Variants in TNFRSF10C observed in about 807,000 individuals in gnomAD.
The protein encoded by TNFRSF10C is tumor necrosis factor receptor superfamily member 10C.
Under a neutral mutation model 16.7 loss-of-function variants are expected in TNFRSF10C, and 17 were observed. That is an observed-to-expected ratio of 1.02 (90% CI 0.70 to 1.53). The LOEUF (loss-of-function observed/expected upper bound fraction) is 1.53, where lower values mean the gene tolerates loss of function less well. Ranked by LOEUF, TNFRSF10C falls within the 40% of genes most tolerant of loss-of-function variation. The pLI is 0.00. For synonymous variants in TNFRSF10C, 73 were observed against 119.7 expected, an observed-to-expected ratio of 0.61 and a Z score of 2.55; for missense variants, 237 against 329.7, an observed-to-expected ratio of 0.72 and a Z score of 2.18.
intron 1 of TNFRSF10C, among the ~76,000 whole-genome samples, chr8:23,111,431 G>A (rs997021789): frequency 6.6e-6 from 1 of 151,596 alleles, no homozygotes; most frequent in Non-Finnish European, 1.5e-5. Context: ...TGGCCAGGAT[G>A]GTCTCGATCT....
intron 2 of TNFRSF10C, among the ~76,000 whole-genome samples, chr8:23,114,192 C>A (rs1156885313): frequency 2.0e-5 from 3 of 151,818 alleles, no homozygotes; most frequent in Non-Finnish European, 4.4e-5. Flanking sequence ...GGAGACTGAG[C>A]GAAGACAGGG....
At chr8:23,104,640 C>T (rs1251572841) in intron 1 of TNFRSF10C, among the ~76,000 whole-genome samples, 354 of 151,212 alleles carry the variant, frequency 2.3e-3, no homozygotes, top group African/African-American at 7.5e-3. Context: ...CAAAAAACCA[C>T]TGAACCCAGC....
At chr8:23,110,069 C>CAAAAAAA (rs56263402) in intron 1 of TNFRSF10C, among the ~76,000 whole-genome samples, 987 of 39,596 alleles carry the variant, frequency 0.025, 166 homozygotes, top group East Asian at 0.11. Context: ...ACCCTGTCTC[C>CAAAAAAA]AAAAAAAAAA....
At chr8:23,114,064 G>A (rs866722888) in intron 2 of TNFRSF10C, among the ~76,000 whole-genome samples, 3 of 152,130 alleles carry the variant, frequency 2.0e-5, no homozygotes, top group Non-Finnish European at 2.9e-5. Context: ...GGGGCCTCTC[G>A]GGGATGGTGA....
At position 23,103,303 on chromosome 8, in the gene TNFRSF10C, A is replaced by G. The variant is rs578016948; in HGVS notation, c.60+122A>G. The G allele has an allele frequency of 6.0e-6, 9 of 1,503,532 alleles. No individual in the cohort carries two copies. The South Asian group carries it at 8.4e-5, about 14-fold the overall frequency. The allele number at this position is 1,503,532 out of a possible 1,614,324, so 93.1% of individuals were successfully genotyped here. On this transcript the variant is annotated intron_variant, in intron 1 of 4. Coordinates refer to ENST00000356864, the MANE Select transcript of TNFRSF10C (RefSeq NM_003841.5). ...CACCTGCGGCCGGGCATGTCCGGGCAGGACGAACTCGCCGTCGGAGTCAGG... is the reference window on the plus strand; with the variant it reads ...CACCTGCGGCCGGGCATGTCCGGGCGGGACGAACTCGCCGTCGGAGTCAGG...
rs1242820664 is a variant in TNFRSF10C, at chr8:23,116,673, G to T, written c.422G>T (p.Cys141Phe). The change falls in exon 5 of 5, where the codon TGT becomes TTT. Residue 141 changes from cysteine (C) to phenylalanine (F), a missense_variant. This residue lies in a region of TNFRSF10C where 212 missense variants were observed against 196.8 expected (regional missense o/e 1.08). Transcript: ENST00000356864. ...AGTGGGGAAGTCCAAGTCAGTAATT[G>T]TACGTCCTGGGATGATATCCAGTGT... ...CPSGEVQVSNCTSWDDIQCVE... is the reference protein window; with the variant it reads ...CPSGEVQVSNFTSWDDIQCVE... The T allele has an allele frequency of 1.9e-6, 3 of 1,614,218 alleles. No individual in the cohort carries two copies. Among genetic ancestry groups the T allele is most frequent in the Non-Finnish European group, 2.5e-6 (3 of 1,180,024 alleles).
chr8:23,111,416 C>T (rs1020326459), intron 1 of TNFRSF10C, among the ~76,000 whole-genome samples: 4 of 151,934 alleles, frequency 2.6e-5, no homozygotes, highest in Non-Finnish European at 5.9e-5. Flanking sequence ...AGGGTTTCAC[C>T]GTGTTGGCCA....
In TNFRSF10C at chr8:23,117,444, G is replaced by A; in HGVS notation, c.*413G>A. 1 of 227,880 alleles carries A rather than the reference G, an allele frequency of 4.4e-6. No homozygotes were observed. Among genetic ancestry groups the A allele is most frequent in the Non-Finnish European group, 8.7e-6 (1 of 114,952 alleles). The allele number at this position is 227,880 out of a possible 1,614,324, so 14.1% of individuals were successfully genotyped here. On this transcript the variant is annotated 3_prime_UTR_variant, in exon 5 of 5. Transcript: ENST00000356864. ...AGCCTTGGTCAGAGCAGAACACAGAGATTTTCCGTGTGTTGGTTTTTACTC... is the reference window on the plus strand; with the variant it reads ...AGCCTTGGTCAGAGCAGAACACAGAAATTTTCCGTGTGTTGGTTTTTACTC...
In TNFRSF10C at chr8:23,114,675, A is replaced by G; in HGVS notation, c.185A>G (p.His62Arg). ...TTCCCAGGATCTCATAGATCAGAACATACTGGAGCCTGTAACCCGTGCACA... is the reference window on the plus strand; with the variant it reads ...TTCCCAGGATCTCATAGATCAGAACGTACTGGAGCCTGTAACCCGTGCACA... The part of the protein sequence containing the change: ...ECPAGSHRSE[H>R]TGACNPCTEG... The change falls in exon 3 of 5, where the codon CAT becomes CGT. Residue 62 changes from histidine (H) to arginine (R), a missense_variant. Coordinates refer to ENST00000356864, the MANE Select transcript of TNFRSF10C (RefSeq NM_003841.5). The G allele has an allele frequency of 6.2e-7, 1 of 1,611,626 alleles. No individual in the cohort carries two copies.
In TNFRSF10C at chr8:23,117,410, G is replaced by C; in HGVS notation, c.*379G>C. 3.0e-6 allele frequency: 1 copy of C among 327,968 alleles called. No homozygotes were observed. The highest frequency in any genetic ancestry group is 4.4e-5 in the South Asian group (1 of 22,686). The allele number at this position is 327,968 out of a possible 1,614,324, so 20.3% of individuals were successfully genotyped here. On this transcript the variant is annotated 3_prime_UTR_variant, in exon 5 of 5. Transcript: ENST00000356864. Reference sequence around the variant, plus strand: ...GGGTGAGGATGAGAAGTGGTCACGGGATTTATTCAGCCTTGGTCAGAGCAG... The same window carrying C: ...GGGTGAGGATGAGAAGTGGTCACGGCATTTATTCAGCCTTGGTCAGAGCAG...
chr8:23,116,105 G>A (rs1563345769), intron 4 of TNFRSF10C, among the ~76,000 whole-genome samples: 1 of 152,204 alleles, frequency 6.6e-6, no homozygotes, highest in Non-Finnish European at 1.5e-5. Flanking sequence ...GCTCCTTCAA[G>A]TTCCCATGAA....
chr8:23,103,217 C>A, intron 1 of TNFRSF10C, 36 bp downstream of exon 1: 5 of 1,596,980 alleles, frequency 3.1e-6, no homozygotes, highest in Non-Finnish European at 4.3e-6. Flanking sequence ...TGGGGAAGAG[C>A]GCACCTGGCG....
At chr8:23,114,277 T>C (rs1813933079) in intron 2 of TNFRSF10C, among the ~76,000 whole-genome samples, 1 of 152,124 alleles carries the variant, frequency 6.6e-6, no homozygotes, top group African/African-American at 2.4e-5. Flanking sequence ...GTAGGTTGGA[T>C]GTTATTTTGT....
At position 23,103,188 on chromosome 8, in the gene TNFRSF10C, C is replaced by G. The variant is rs1024470701; in HGVS notation, c.60+7C>G. The G allele has an allele frequency of 6.2e-7, 1 of 1,609,358 alleles. No individual in the cohort carries two copies. Among genetic ancestry groups the G allele is most frequent in the African/African-American group, 1.3e-5 (1 of 74,870 alleles). On this transcript the variant is annotated splice_region_variant and intron_variant, in intron 1 of 4. Transcript: ENST00000356864. ...CGTCGCGGTCCTGCTGCCAGTGAGT[C>G]CCGGCCGCGGTCCCTGGCTGGGGAA...
intron 1 of TNFRSF10C, among the ~76,000 whole-genome samples, chr8:23,107,052 T>C (rs1813792446): frequency 1.3e-5 from 2 of 151,656 alleles, no homozygotes; most frequent in African/African-American, 2.4e-5. Flanking sequence ...CTTTAATTCA[T>C]AATAGTCAAT....
chr8:23,114,009 G>C (rs1041403099), intron 2 of TNFRSF10C, among the ~76,000 whole-genome samples: 2 of 152,082 alleles, frequency 1.3e-5, no homozygotes, highest in African/African-American at 4.8e-5. Context: ...GTCCTGATGG[G>C]AACCATGAAG....
intron 4 of TNFRSF10C, 66 bp from the exon 5 acceptor site, chr8:23,116,574 TC>T: frequency 6.4e-7 from 1 of 1,553,490 alleles, no homozygotes; most frequent in South Asian, 1.2e-5. Context: ...GGAGGGTGGC[TC>T]CCCTTTTATC....
chr8:23,115,382 G>A (rs895729711), intron 3 of TNFRSF10C, 126 bp from the exon 4 acceptor site: 8 of 675,404 alleles, frequency 1.2e-5, no homozygotes, highest in Non-Finnish European at 2.0e-5. Context: ...GTGTGCTGGT[G>A]CAGAAACTGG....
At chr8:23,108,747 C>T (rs1447771185) in intron 1 of TNFRSF10C, among the ~76,000 whole-genome samples, 1 of 152,144 alleles carries the variant, frequency 6.6e-6, no homozygotes, top group Admixed American at 6.5e-5. Flanking sequence ...AAGTGGCAAG[C>T]GATCTGCACA....
Sources: allele counts gnomAD v4.1 joint callset (sites outside exome capture counted in the v4.1 genomes callset), GRCh38; gene constraint gnomAD v4.1.1; regional missense constraint gnomAD v4.1.1; transcripts MANE v1.5; gene names NCBI Gene and HGNC (gene_info 2026-07-23, HGNC 2026-07-21).